The following GPHN variants were observed in gnomAD, a reference collection of about 807,000 sequenced individuals.
GPHN encodes the protein gephyrin.
In GPHN, 17 loss-of-function variants were observed where a neutral mutation model predicts 95.5. The observed-to-expected ratio is 0.18, with a 90% CI of 0.12 to 0.27. The LOEUF is 0.27. GPHN is among the 10% of genes least tolerant of loss of function. GPHN has a pLI of 1.00. For missense variants in GPHN, 660 were observed against 978.1 expected, an observed-to-expected ratio of 0.67 and a Z score of 4.34; for synonymous variants, 320 against 322.5, an observed-to-expected ratio of 0.99 and a Z score of 0.08.
the GPHN span, among the ~76,000 whole-genome samples, chr14:67,237,551 A>G: frequency 0.21 from 31,959 of 151,760 alleles, 5,086 homozygotes; most frequent in East Asian, 0.45. Context: ...TTGAATTCCT[A>G]GGCTCAAACA....
At chr14:66,721,203 C>T (rs2070708537) in intron 2 of GPHN, among the ~76,000 whole-genome samples, 1 of 152,036 alleles carries the variant, frequency 6.6e-6, no homozygotes, top group Non-Finnish European at 1.5e-5. Context: ...GACACTTTGG[C>T]CTATATCAGA....
intron 2 of GPHN, among the ~76,000 whole-genome samples, chr14:66,761,179 A>G (rs2058740247): frequency 6.6e-6 from 1 of 152,218 alleles, no homozygotes; most frequent in Non-Finnish European, 1.5e-5. Context: ...TATTACGGAT[A>G]TTAGATTGCA....
rs939567200 is a variant in GPHN, at chr14:67,118,909, G to A, written c.1627-3347G>A. Among the ~76,000 whole-genome samples, 3 of 152,144 alleles carry A rather than the reference G, an allele frequency of 2.0e-5. No individual in the cohort carries two copies. In the South Asian group the frequency reaches 6.2e-4, roughly 32 times the overall value. ...GGCATATTTTGGGGTAGTATATTCT[G>A]CTACCCTTCAACAGAGTCTCAGTGG... On this transcript the variant is annotated intron_variant, in intron 16 of 22. Coordinates refer to ENST00000478722, the MANE Select transcript of GPHN (RefSeq NM_020806.5).
chr14:66,528,481 A>G (rs571995783), intron 1 of GPHN, among the ~76,000 whole-genome samples: 5 of 152,190 alleles, frequency 3.3e-5, no homozygotes, highest in Non-Finnish European at 5.9e-5. Context: ...AAATATTGTT[A>G]TGTGTGAATC....
At chr14:66,786,290 G>C (rs1236828092) in intron 3 of GPHN, among the ~76,000 whole-genome samples, 2 of 152,036 alleles carry the variant, frequency 1.3e-5, no homozygotes, top group African/African-American at 4.8e-5. Flanking sequence ...CAATTTAGTA[G>C]AAATGGACCA....
chr14:66,783,537 A>G (rs1010222569), intron 3 of GPHN, among the ~76,000 whole-genome samples: 8 of 152,108 alleles, frequency 5.3e-5, no homozygotes, highest in African/African-American at 1.2e-4. Context: ...AGTTACCACT[A>G]TTTCACCTTT....
the GPHN span, among the ~76,000 whole-genome samples, chr14:67,280,628 C>T: frequency 6.6e-6 from 1 of 152,170 alleles, no homozygotes; most frequent in Non-Finnish European, 1.5e-5. Context: ...TGATGTACTA[C>T]ACAAAATGGT....
chr14:67,487,148 G>T, the GPHN span: 1 of 152,202 alleles, frequency 6.6e-6, no homozygotes, highest in Non-Finnish European at 1.5e-5. Context: ...TCCTTGGCTG[G>T]GGGGCTGGCA....
At chr14:67,006,815 T>C (rs1354820194) in intron 9 of GPHN, among the ~76,000 whole-genome samples, 2 of 152,116 alleles carry the variant, frequency 1.3e-5, no homozygotes, top group South Asian at 2.1e-4. Context: ...CTGAAAGAGA[T>C]TATATGAGGA....
chr14:67,724,067 T>C, the GPHN span, among the ~76,000 whole-genome samples: 2 of 152,192 alleles, frequency 1.3e-5, no homozygotes, highest in Non-Finnish European at 2.9e-5. Flanking sequence ...CTCATGATGA[T>C]GGTTACTGAA....
At chr14:66,970,342 C>T (rs538733805) in intron 9 of GPHN, among the ~76,000 whole-genome samples, 7 of 152,086 alleles carry the variant, frequency 4.6e-5, no homozygotes, top group Non-Finnish European at 1.0e-4. Flanking sequence ...AAGTTATATT[C>T]TTAACTCAGG....
intron 4 of GPHN, among the ~76,000 whole-genome samples, chr14:66,861,888 G>T (rs1177853375): frequency 6.6e-6 from 1 of 151,522 alleles, no homozygotes; most frequent in Admixed American, 6.6e-5. Context: ...ATCAAAAAAA[G>T]GAAAAAATTC....
chr14:66,769,124 TTCTG>T lies in GPHN; in HGVS notation c.144-7336_144-7333del, dbSNP rs562168065. Among the ~76,000 whole-genome samples the T allele has an allele frequency of 2.8e-4, 43 of 152,130 alleles. 3 individuals are homozygous for T. Among genetic ancestry groups the T allele is most frequent in the Admixed American group, 2.6e-3 (39 of 15,268 alleles). ...GGGACATGAGGCTGAAGAGGTATGA[TTCTG>T]TCTCAAGACAGTGAAGCATATAGAT... On this transcript the variant is annotated intron_variant, in intron 2 of 22. Coordinates refer to ENST00000478722, the MANE Select transcript of GPHN (RefSeq NM_020806.5).
At chr14:67,041,381 C>CA (rs1424446372) in intron 10 of GPHN, among the ~76,000 whole-genome samples, 2 of 152,022 alleles carry the variant, frequency 1.3e-5, no homozygotes, top group Non-Finnish European at 2.9e-5. Flanking sequence ...CCCCACCCCC[C>CA]AACAGGCCCT....
At chr14:67,688,576 A>G in the GPHN span, among the ~76,000 whole-genome samples, 3 of 151,260 alleles carry the variant, frequency 2.0e-5, no homozygotes, top group Non-Finnish European at 4.4e-5. Context: ...TTAATTCTAC[A>G]TACTTCCATA....
chr14:67,720,573 A>T, the GPHN span, among the ~76,000 whole-genome samples: 6 of 152,198 alleles, frequency 3.9e-5, no homozygotes, highest in Non-Finnish European at 7.3e-5. Flanking sequence ...TAATTAAATC[A>T]TCTGTCCCTT....
At chr14:66,563,242 G>A (rs1473235081) in intron 1 of GPHN, among the ~76,000 whole-genome samples, 1 of 151,958 alleles carries the variant, frequency 6.6e-6, no homozygotes. Context: ...AATAATATGG[G>A]GTGTAACATC....
chr14:66,994,396 C>G (rs1207871893), intron 9 of GPHN, among the ~76,000 whole-genome samples: 1 of 151,744 alleles, frequency 6.6e-6, no homozygotes, highest in Non-Finnish European at 1.5e-5. Flanking sequence ...AAAAATCTAT[C>G]TTATCCTGTG....
chr14:66,624,002 C>T (rs1226074021), intron 1 of GPHN, among the ~76,000 whole-genome samples: 1 of 152,034 alleles, frequency 6.6e-6, no homozygotes, highest in Non-Finnish European at 1.5e-5. Flanking sequence ...AGCGAGCAGC[C>T]AAAGGAGAGA....
Sources: allele counts gnomAD v4.1 joint callset (sites outside exome capture counted in the v4.1 genomes callset), GRCh38; gene constraint gnomAD v4.1.1; transcripts MANE v1.5; gene names NCBI Gene and HGNC (gene_info 2026-07-23, HGNC 2026-07-21).